The following PDCL variants were observed in gnomAD, a reference collection of about 807,000 sequenced individuals.
The protein encoded by PDCL is phosducin-like protein.
A neutral mutation model predicts 26.7 loss-of-function variants in PDCL; 11 were observed. That is an observed-to-expected ratio of 0.41 (90% CI 0.26 to 0.68). PDCL has a LOEUF of 0.68. PDCL is among the 30% of genes least tolerant of loss of function. The probability of loss-of-function intolerance (pLI) is 0.30; values close to 1 mark genes in which losing one functional copy is unlikely to be tolerated. For synonymous variants in PDCL, 118 were observed against 134.9 expected (o/e 0.87, Z 0.87); for missense variants, 330 against 371.6 (o/e 0.89, Z 0.92).
At chr9:122,826,346 T>G (rs1829628227) in intron 2 of PDCL, among the ~76,000 whole-genome samples, 1 of 152,186 alleles carries the variant, frequency 6.6e-6, no homozygotes, top group Non-Finnish European at 1.5e-5. Flanking sequence ...ATACTCATAC[T>G]TGTGATTTAT....
At chr9:122,822,109 T>C (rs764542714) in intron 3 of PDCL, among the ~76,000 whole-genome samples, 21 of 152,204 alleles carry the variant, frequency 1.4e-4, no homozygotes, top group South Asian at 2.1e-4. Flanking sequence ...AGGTGAATGA[T>C]TCCCAGCTTA....
Position 122,823,154 on chromosome 9 carries a change from C to G in PDCL, c.216G>C (p.Leu72Phe). The G allele has an allele frequency of 6.2e-7, 1 of 1,614,106 alleles. No homozygotes were observed. Residue 72 changes from leucine to phenylalanine, a missense_variant, in exon 3 of 4, where the codon TTG (leucine) becomes TTC (phenylalanine). Coordinates refer to ENST00000259467, the MANE Select transcript of PDCL (RefSeq NM_005388.5). ...VINDWRRFKQ[L>F]ETEQREEQCR... Reference sequence around the variant, plus strand: ...ACTGCTCCTCCCTCTGCTCTGTCTCCAACTGCTTGAAGCGGCGCCAGTCAT... The same window carrying G: ...ACTGCTCCTCCCTCTGCTCTGTCTCGAACTGCTTGAAGCGGCGCCAGTCAT...
At chr9:122,822,416 G>A (rs557145491) in intron 3 of PDCL, among the ~76,000 whole-genome samples, 4 of 151,118 alleles carry the variant, frequency 2.6e-5, no homozygotes, top group African/African-American at 7.3e-5. Flanking sequence ...AGGCCATCAG[G>A]TGCCTACTTC....
At position 122,820,562 on chromosome 9, in the gene PDCL, C is replaced by T; in HGVS notation, c.429G>A (p.Gln143=). The stretch of plus-strand genomic sequence containing the variant: ...GCTGCTGCCGCATCTCTTCCATTCG[C>T]TGCTTCCGGTACTGCTGCAGAAACT... ...DEEFLQQYRK[Q]RMEEMRQQLH... The change falls in exon 4 of 4, where the codon CAG becomes CAA. Residue 143 remains glutamine (Q), a synonymous_variant. Transcript: ENST00000259467. 1 of 1,614,152 alleles carries T rather than the reference C, an allele frequency of 6.2e-7. No homozygotes were observed. The highest frequency in any genetic ancestry group is 8.5e-7 in the Non-Finnish European group (1 of 1,180,028).
intron 3 of PDCL, 82 bp from the exon 4 acceptor site, chr9:122,820,718 T>C (rs1161961421): frequency 4.3e-6 from 5 of 1,176,256 alleles, no homozygotes; most frequent in Non-Finnish European, 5.9e-6. Flanking sequence ...GCGCGGTGGC[T>C]CACGCCTGTA....
intron 2 of PDCL, among the ~76,000 whole-genome samples, chr9:122,826,099 A>G (rs1829620637): frequency 6.6e-6 from 1 of 152,164 alleles, no homozygotes; most frequent in Non-Finnish European, 1.5e-5. Flanking sequence ...CTTAAAAAAC[A>G]AAAAAACAAA....
Position 122,820,470 on chromosome 9 carries a change from A to G in PDCL, c.521T>C (p.Ile174Thr), listed in dbSNP as rs765823932. The G allele has an allele frequency of 5.0e-6, 8 of 1,613,936 alleles. No homozygotes were observed. Among genetic ancestry groups the G allele is most frequent in the South Asian group, 1.1e-5 (1 of 91,078 alleles). Reference protein sequence around the residue: ...ISSGEGFLDMIDKEQKSIVIM... With the variant: ...ISSGEGFLDMTDKEQKSIVIM... The stretch of plus-strand genomic sequence containing the variant: ...GACAATGCTTTTCTGTTCTTTATCA[A>G]TCATGTCTAAAAACCCTTCTCCACT... Residue 174 changes from isoleucine to threonine, a missense_variant, in exon 4 of 4, where the codon ATT (isoleucine) becomes ACT (threonine). By Grantham distance (89) the Ile-to-Thr change is moderately conservative. Transcript: ENST00000259467.
chr9:122,818,128 C>T lies in PDCL; in HGVS notation c.*1957G>A, dbSNP rs1191703172. ...AGTAAAAATACAAAAATTAGCCAGG[C>T]GTGATGGCATGTGCCTGTAGTCCCA... On this transcript the variant is annotated 3_prime_UTR_variant, in exon 4 of 4. Transcript: ENST00000259467. 6.6e-6 allele frequency among the ~76,000 whole-genome samples: 1 copy of T among 152,052 alleles called. No homozygotes were observed. Among genetic ancestry groups the T allele is most frequent in the Non-Finnish European group, 1.5e-5 (1 of 68,014 alleles).
Position 122,819,748 on chromosome 9 carries a change from C to G in PDCL, c.*337G>C, listed in dbSNP as rs886803191. 8 of 194,128 alleles carry G rather than the reference C, an allele frequency of 4.1e-5. No individual in the cohort carries two copies. Among genetic ancestry groups the G allele is most frequent in the African/African-American group, 1.4e-4 (6 of 42,856 alleles). The allele number at this position is 194,128 out of a possible 1,614,324, so 12.0% of individuals were successfully genotyped here. A position where few individuals can be genotyped will look rare whatever the true frequency, so the allele number is the denominator to read the frequency against. On this transcript the variant is annotated 3_prime_UTR_variant, in exon 4 of 4. Transcript: ENST00000259467. ...TACAGAATTATACTCTCAGACTTGG[C>G]AGAGACCTCTAAGATCATCTGAAGA... is the stretch of plus-strand genomic sequence containing the variant.
chr9:122,822,365 G>A lies in PDCL; in HGVS notation c.354+651C>T, dbSNP rs917898946. On this transcript the variant is annotated intron_variant, in intron 3 of 3. Coordinates refer to ENST00000259467, the MANE Select transcript of PDCL (RefSeq NM_005388.5). ...ACCTCAGGAGTTCCGAGACCAGCCT[G>A]GGCAACATAGACCCTGTCTCTATTA... is the stretch of plus-strand genomic sequence containing the variant. 8.6e-5 allele frequency among the ~76,000 whole-genome samples: 13 copies of A among 150,618 alleles called. No homozygotes were observed. In the South Asian group the frequency reaches 2.7e-3, roughly 32 times the overall value.
Position 122,818,103 on chromosome 9 carries a change from A to G in PDCL, c.*1982T>C, listed in dbSNP as rs1010803168. The stretch of plus-strand genomic sequence containing the variant: ...GCCAACATGGTGAAACCCCGTCTCT[A>G]GTAAAAATACAAAAATTAGCCAGGC... On this transcript the variant is annotated 3_prime_UTR_variant, in exon 4 of 4. Coordinates refer to ENST00000259467, the MANE Select transcript of PDCL (RefSeq NM_005388.5). Among the ~76,000 whole-genome samples, 10 of 152,206 alleles carry G rather than the reference A, an allele frequency of 6.6e-5. No individual in the cohort carries two copies. The highest frequency in any genetic ancestry group is 2.4e-4 in the African/African-American group (10 of 41,458).
At chr9:122,826,146 C>T (rs1426111129) in intron 2 of PDCL, among the ~76,000 whole-genome samples, 1 of 152,076 alleles carries the variant, frequency 6.6e-6, no homozygotes, top group African/African-American at 2.4e-5. Context: ...CGGAAATAAA[C>T]CTACAATGAA....
In PDCL at chr9:122,820,011, C is replaced by T. The variant is rs1829531583; in HGVS notation, c.*74G>A. 7 of 1,295,668 alleles carry T rather than the reference C, an allele frequency of 5.4e-6. No individual in the cohort carries two copies. The highest frequency in any genetic ancestry group is 2.0e-4 in the Middle Eastern group (1 of 5,078). 80.3% of individuals were successfully genotyped at this position (1,295,668 alleles called of 1,614,324 possible). A position where few individuals can be genotyped will look rare whatever the true frequency, so the allele number is the denominator to read the frequency against. Reference sequence around the variant, plus strand: ...AAAGAACAGCTGAAAAGCCAGAAGACAAAGGAACAAAAATAAACAATGACG... The same window carrying T: ...AAAGAACAGCTGAAAAGCCAGAAGATAAAGGAACAAAAATAAACAATGACG... On this transcript the variant is annotated 3_prime_UTR_variant, in exon 4 of 4. Coordinates refer to ENST00000259467, the MANE Select transcript of PDCL (RefSeq NM_005388.5).
chr9:122,826,628 A>T lies in PDCL; in HGVS notation c.160T>A (p.Ser54Thr). ...AEAELAGEGI[S>T]VNTGPKGVIN... is the part of the protein sequence containing the mutation. ...GGTTTCTCAGTACCTGTGTTAACTG[A>T]GATGCCTTCGCCTGCCAGCTCAGCC... Residue 54 changes from serine to threonine, a missense_variant, in exon 2 of 4, where the codon TCA (serine) becomes ACA (threonine). Coordinates refer to ENST00000259467, the MANE Select transcript of PDCL (RefSeq NM_005388.5). 1 of 1,614,090 alleles carries T rather than the reference A, an allele frequency of 6.2e-7. No individual in the cohort carries two copies. Among genetic ancestry groups the T allele is most frequent in the Non-Finnish European group, 8.5e-7 (1 of 1,179,984 alleles).
At chr9:122,826,529 G>C in intron 2 of PDCL, 87 bp downstream of exon 2, 1 of 1,140,128 alleles carries the variant, frequency 8.8e-7, no homozygotes, top group Non-Finnish European at 1.2e-6. Flanking sequence ...GTGATCAGGA[G>C]AATTAATTTA....
intron 3 of PDCL, 86 bp from the exon 4 acceptor site, chr9:122,820,722 G>A (rs1250322684): frequency 1.8e-6 from 2 of 1,122,520 alleles, no homozygotes; most frequent in Non-Finnish European, 2.5e-6. Flanking sequence ...GGTGGCTCAC[G>A]CCTGTAATCC....
At chr9:122,824,435 G>A (rs1000296201) in intron 2 of PDCL, among the ~76,000 whole-genome samples, 1 of 152,176 alleles carries the variant, frequency 6.6e-6, no homozygotes, top group South Asian at 2.1e-4. Flanking sequence ...CAGCCAAACT[G>A]AGGCTGTTAT....
At chr9:122,820,977 G>A (rs1829546843) in intron 3 of PDCL, among the ~76,000 whole-genome samples, 1 of 151,756 alleles carries the variant, frequency 6.6e-6, no homozygotes, top group Non-Finnish European at 1.5e-5. Context: ...CAGCCTGGGA[G>A]ACAGGGTGAT....
In PDCL at chr9:122,820,755, G is replaced by A. The variant is rs1273070926; in HGVS notation, c.355-119C>T. ...TCCTAGCACTTTGGGAGGCTGAGACGAGCGGATCACTTGAGGTCAGGAGTT... is the reference window on the plus strand; with the variant it reads ...TCCTAGCACTTTGGGAGGCTGAGACAAGCGGATCACTTGAGGTCAGGAGTT... On this transcript the variant is annotated intron_variant, in intron 3 of 3. Transcript: ENST00000259467. 1.4e-5 allele frequency: 11 copies of A among 762,316 alleles called. No homozygotes were observed. In the African/African-American group the frequency reaches 1.8e-4, roughly 12 times the overall value. 47.2% of individuals were successfully genotyped at this position (762,316 alleles called of 1,614,324 possible). A position where few individuals can be genotyped will look rare whatever the true frequency, so the allele number is the denominator to read the frequency against.
Sources: gnomAD v4.1 joint callset for allele counts (sites outside exome capture counted in the v4.1 genomes callset) on GRCh38, gnomAD v4.1.1 for gene constraint, MANE v1.5 for transcripts, NCBI Gene and HGNC (gene_info 2026-07-23, HGNC 2026-07-21) for gene names.